The following INSRR variants were observed in gnomAD, a reference collection of about 807,000 sequenced individuals.
INSRR encodes the protein insulin receptor-related protein.
A neutral mutation model predicts 130.0 loss-of-function variants in INSRR; 114 were observed. That is an observed-to-expected ratio of 0.88 (90% CI 0.75 to 1.02). The LOEUF (loss-of-function observed/expected upper bound fraction) is 1.02. INSRR is among the 50% of genes least tolerant of loss of function. The pLI, the probability that INSRR is intolerant of heterozygous loss-of-function variation, is 0.00. For synonymous variants in INSRR, 674 were observed against 705.2 expected, an observed-to-expected ratio of 0.96 and a Z score of 0.70; for missense variants, 1,657 against 1,735.2, an observed-to-expected ratio of 0.95 and a Z score of 0.80.
At chr1:156,842,929 C>A in intron 17 of INSRR, 75 bp downstream of exon 17, 1 of 1,199,406 alleles carries the variant, frequency 8.3e-7, no homozygotes, top group Non-Finnish European at 1.2e-6. Context: ...CTAACCTCAT[C>A]TCTGACCCTT....
At position 156,854,940 on chromosome 1, in the gene INSRR, T is replaced by C. The variant is rs555854205; in HGVS notation, c.86-637A>G. On this transcript the variant is annotated intron_variant, in intron 1 of 21. Transcript: ENST00000368195. This position sits in a 1 kb window ranked among gnomAD's most constrained non-coding sequence, Gnocchi z 4.2. Reference sequence around the variant, plus strand: ...ACAGGGCCCTGCACAGTTTGAGCCCTTGTAGCCTCTCTGATTTCATCCTTT... The same window carrying C: ...ACAGGGCCCTGCACAGTTTGAGCCCCTGTAGCCTCTCTGATTTCATCCTTT... Among the ~76,000 whole-genome samples, 29 of 152,326 alleles carry C rather than the reference T, an allele frequency of 1.9e-4. No homozygotes were observed. Among genetic ancestry groups the C allele is most frequent in the African/African-American group, 6.0e-4 (25 of 41,578 alleles).
chr1:156,857,891 A>G (rs1053108354), intron 1 of INSRR, among the ~76,000 whole-genome samples: 1 of 152,076 alleles, frequency 6.6e-6, no homozygotes, highest in South Asian at 2.1e-4. Flanking sequence ...CAGCACCTCC[A>G]TGAGGGTCAT....
Position 156,844,267 on chromosome 1 carries a change from A to G in INSRR, c.2751T>C (p.Ala917=). ...CAGTGAGGAGGACATGCAGCCCCCC[A>G]GCATCCTCCTCCTCTGGCAGTCAGA... ...FYILGPEEED[A]GGLHVLLTAT... is the part of the protein sequence containing the mutation. The change falls in exon 15 of 22, where the codon GCT becomes GCC. Residue 917 remains alanine (A), a synonymous_variant. Coordinates refer to ENST00000368195, the MANE Select transcript of INSRR (RefSeq NM_014215.3). The G allele has an allele frequency of 6.2e-7, 1 of 1,613,270 alleles. No homozygotes were observed. Among genetic ancestry groups the G allele is most frequent in the South Asian group, 1.1e-5 (1 of 91,042 alleles).
In INSRR at chr1:156,840,988, TAGA is replaced by T. The variant is rs774745320; in HGVS notation, c.3776_3778del (p.Phe1259del). The stretch of plus-strand genomic sequence containing the variant: ...GGCCCCCCGGCATTCCGGGCTGTAG[TAGA>T]AGGAGAGGAGGCGGAAGGAGGGCCG... On this transcript the variant is annotated inframe_deletion, in exon 22 of 22. Coordinates refer to ENST00000368195, the MANE Select transcript of INSRR (RefSeq NM_014215.3). 5.0e-6 allele frequency: 8 copies of T among 1,613,318 alleles called. No individual in the cohort carries two copies. The highest frequency in any genetic ancestry group is 6.8e-6 in the Non-Finnish European group (8 of 1,179,736).
chr1:156,853,950 G>A lies in INSRR; in HGVS notation c.439C>T (p.Leu147Phe). The change falls in exon 2 of 22, where the codon CTC becomes TTC. Residue 147 changes from leucine to phenylalanine, a missense_variant. Coordinates refer to ENST00000368195, the MANE Select transcript of INSRR (RefSeq NM_014215.3). ...GAVRVEKNQE[L>F]CHLSTIDWGL... ...CAGTCAATGGTGGAGAGGTGGCAGAGCTCCTGGTTCTTCTCCACACGCACA... is the reference window on the plus strand; with the variant it reads ...CAGTCAATGGTGGAGAGGTGGCAGAACTCCTGGTTCTTCTCCACACGCACA... The A allele has an allele frequency of 6.2e-7, 1 of 1,613,408 alleles. No individual in the cohort carries two copies. Among genetic ancestry groups the A allele is most frequent in the Non-Finnish European group, 8.5e-7 (1 of 1,179,460 alleles).
At chr1:156,845,557 AAG>A in intron 10 of INSRR, 60 bp downstream of exon 10, 12 of 365,262 alleles carry the variant, frequency 3.3e-5, no homozygotes, top group Non-Finnish European at 4.7e-5. Context: ...CCCCTCCCGC[AAG>A]ACCCGCCCCT....
Position 156,851,645 on chromosome 1 carries a change from C to T in INSRR, c.1084+1G>A. ...GGTGTGGCCCCAAAGTAGGTACTGACAGCCCTGGCGAAGGTTGAGGATGAG... is the reference window on the plus strand; with the variant it reads ...GGTGTGGCCCCAAAGTAGGTACTGATAGCCCTGGCGAAGGTTGAGGATGAG... On this transcript the variant is annotated splice_donor_variant, in intron 4 of 21. Coordinates refer to ENST00000368195, the MANE Select transcript of INSRR (RefSeq NM_014215.3). LOFTEE classifies it high-confidence loss of function. 1.2e-6 allele frequency: 2 copies of T among 1,614,184 alleles called. No individual in the cohort carries two copies. Among genetic ancestry groups the T allele is most frequent in the Non-Finnish European group, 1.7e-6 (2 of 1,180,002 alleles).
chr1:156,854,458 C>T lies in INSRR; in HGVS notation c.86-155G>A, dbSNP rs140212669. ...GTGGGGTGGCCTCCTTCCTGGGCCC[C>T]GGAGGGCTCACCTGCAGCCTGCAGG... On this transcript the variant is annotated intron_variant, in intron 1 of 21. Transcript: ENST00000368195. This position sits in a 1 kb window ranked among gnomAD's most constrained non-coding sequence, Gnocchi z 4.2. 1.3e-4 allele frequency among the ~76,000 whole-genome samples: 20 copies of T among 152,266 alleles called. No individual in the cohort carries two copies. The East Asian group carries it at 2.9e-3, about 22-fold the overall frequency.
chr1:156,844,134 A>G, intron 15 of INSRR, 41 bp downstream of exon 15: 1 of 1,431,348 alleles, frequency 7.0e-7, no homozygotes, highest in Non-Finnish European at 9.8e-7. Flanking sequence ...ATGAGGGCTC[A>G]GGGAGAAAAG....
Position 156,851,870 on chromosome 1 carries a change from C to T in INSRR, c.941+18G>A. ...TCCTCACTGCTCCCAGGGTGCCCCCCACCCTCCCTACACTCACCTGCTGCT... is the reference window on the plus strand; with the variant it reads ...TCCTCACTGCTCCCAGGGTGCCCCCTACCCTCCCTACACTCACCTGCTGCT... On this transcript the variant is annotated intron_variant, in intron 3 of 21. Coordinates refer to ENST00000368195, the MANE Select transcript of INSRR (RefSeq NM_014215.3). 1 of 1,575,020 alleles carries T rather than the reference C, an allele frequency of 6.3e-7. No individual in the cohort carries two copies. Among genetic ancestry groups the T allele is most frequent in the Non-Finnish European group, 8.6e-7 (1 of 1,156,708 alleles).
At position 156,851,448 on chromosome 1, in the gene INSRR, G is replaced by A. The variant is rs756024484; in HGVS notation, c.1085-14C>T. On this transcript the variant is annotated splice_polypyrimidine_tract_variant and intron_variant, in intron 4 of 21. Transcript: ENST00000368195. ...GCTCCAGGTTGTCTAGGGATGGGAA[G>A]ACAGGGCTGGAGTAGGAGCAAGGAA... 1 of 1,614,106 alleles carries A rather than the reference G, an allele frequency of 6.2e-7. No individual in the cohort carries two copies. Among genetic ancestry groups the A allele is most frequent in the Non-Finnish European group, 8.5e-7 (1 of 1,179,966 alleles).
chr1:156,841,287 T>C, intron 21 of INSRR, 107 bp downstream of exon 21: 3 of 1,125,764 alleles, frequency 2.7e-6, no homozygotes, highest in Non-Finnish European at 2.7e-6. Context: ...TAGCTGAGGG[T>C]CAGTGGATGT....
At chr1:156,853,288 C>T (rs1464703513) in intron 2 of INSRR, among the ~76,000 whole-genome samples, 1 of 152,194 alleles carries the variant, frequency 6.6e-6, no homozygotes, top group Non-Finnish European at 1.5e-5. Flanking sequence ...ATGACCCAGG[C>T]CCTGCTCTGA....
In INSRR at chr1:156,842,477, T is replaced by C. The variant is rs747115360; in HGVS notation, c.3158A>G (p.Gln1053Arg). ...TAACTCCATGATGACCAGAGTTGGC[T>C]GGCCCTGAGATACCACACCCAGGAG... ...VRLLGVVSQG[Q>R]PTLVIMELMT... The change falls in exon 18 of 22, where the codon CAG becomes CGG. Residue 1053 changes from glutamine (Q) to arginine (R), a missense_variant. Transcript: ENST00000368195. 2.5e-6 allele frequency: 4 copies of C among 1,614,126 alleles called. No homozygotes were observed. In the East Asian group the frequency reaches 6.7e-5, roughly 27 times the overall value.
Position 156,844,280 on chromosome 1 carries a change from T to G in INSRR, c.2738A>C (p.Glu913Ala), listed in dbSNP as rs756289726. ...DSVAFYILGP[E>A]EEDAGGLHVL... The stretch of plus-strand genomic sequence containing the variant: ...ATGCAGCCCCCCAGCATCCTCCTCC[T>G]CTGGCAGTCAGAGGGCAGCAGAGGG... The change falls in exon 15 of 22, where the codon GAG becomes GCG. Residue 913 changes from glutamate to alanine, a missense_variant and splice_region_variant. Transcript: ENST00000368195. 7.4e-6 allele frequency: 12 copies of G among 1,611,712 alleles called. No homozygotes were observed. The East Asian group carries it at 2.5e-4, about 33-fold the overall frequency.
rs1217138665 is a variant in INSRR at position 156,842,393 on chromosome 1, C to T, written c.3237+5G>A. Reference sequence around the variant, plus strand: ...TTCACTCCCCAGGGTCTTCCTGGTCCCTACCTCTGCCTCAGGCCGCAAAGA... The same window carrying T: ...TTCACTCCCCAGGGTCTTCCTGGTCTCTACCTCTGCCTCAGGCCGCAAAGA... On this transcript the variant is annotated splice_donor_5th_base_variant and intron_variant, in intron 18 of 21. Coordinates refer to ENST00000368195, the MANE Select transcript of INSRR (RefSeq NM_014215.3). 6.2e-7 allele frequency: 1 copy of T among 1,613,644 alleles called. No homozygotes were observed. Among genetic ancestry groups the T allele is most frequent in the African/African-American group, 1.3e-5 (1 of 75,000 alleles).
intron 7 of INSRR, among the ~76,000 whole-genome samples, chr1:156,847,868 T>G (rs534129848): frequency 1.3e-3 from 194 of 152,256 alleles, no homozygotes; most frequent in African/African-American, 4.4e-3. Context: ...TTCTCTGCTC[T>G]TTGAGCCCAG....
At chr1:156,845,874 C>A in intron 9 of INSRR, 60 bp from the exon 10 acceptor site, 5 of 1,600,298 alleles carry the variant, frequency 3.1e-6, no homozygotes, top group Non-Finnish European at 4.3e-6. Flanking sequence ...CTGATCCCCC[C>A]CACCTGCCGG....
Position 156,845,156 on chromosome 1 carries a change from T to A in INSRR, c.2357A>T (p.Asp786Val). The A allele has an allele frequency of 6.2e-7, 1 of 1,611,778 alleles. No individual in the cohort carries two copies. The highest frequency in any genetic ancestry group is 8.5e-7 in the Non-Finnish European group (1 of 1,179,320). ...CGCCGCGTGGTTGCAGGCATGGATG[T>A]CGATCCGGTATTCCGTGAAGTGGCG... ...GLRHFTEYRI[D>V]IHACNHAAHT... The change falls in exon 12 of 22, where the codon GAC becomes GTC. Residue 786 changes from aspartate (D) to valine (V), a missense_variant. Physicochemically the swap from Asp to Val is radical, Grantham distance 152. Coordinates refer to ENST00000368195, the MANE Select transcript of INSRR (RefSeq NM_014215.3).
Sources: allele counts gnomAD v4.1 joint callset (sites outside exome capture counted in the v4.1 genomes callset), GRCh38; gene constraint gnomAD v4.1.1; non-coding constraint Gnocchi (gnomAD v3.1); transcripts MANE v1.5; gene names NCBI Gene and HGNC (gene_info 2026-07-23, HGNC 2026-07-21).